The following WHRN variants were observed in gnomAD, a reference collection of about 807,000 sequenced individuals.
The protein encoded by WHRN is whirlin.
Under a neutral mutation model 68.3 loss-of-function variants are expected in WHRN, and 41 were observed. The ratio of observed to expected loss-of-function variants is 0.60; its 90% CI spans 0.47 to 0.78. The LOEUF is 0.78. WHRN is among the 30% of genes least tolerant of loss of function. The pLI, the probability that WHRN is intolerant of heterozygous loss-of-function variation, is 0.00. For missense variants in WHRN, 1,243 were observed against 1,244.7 expected (o/e 1.00, Z 0.02); for synonymous variants, 560 against 561.3 (o/e 1.00, Z 0.03).
chr9:114,489,206 G>C (rs1011528623), intron 1 of WHRN, among the ~76,000 whole-genome samples: 2 of 152,166 alleles, frequency 1.3e-5, no homozygotes, highest in African/African-American at 4.8e-5. Flanking sequence ...GTTGTGGCTT[G>C]ATCAGAGATG....
chr9:114,439,166 G>A (rs1050359571), intron 3 of WHRN, among the ~76,000 whole-genome samples: 1 of 152,106 alleles, frequency 6.6e-6, no homozygotes, highest in Non-Finnish European at 1.5e-5. Flanking sequence ...AGGGACATGG[G>A]GAGTCGTACT....
intron 1 of WHRN, among the ~76,000 whole-genome samples, chr9:114,484,571 G>T (rs779217245): frequency 6.6e-6 from 1 of 152,206 alleles, no homozygotes; most frequent in African/African-American, 2.4e-5. Flanking sequence ...ACCGCATGCA[G>T]GGATGGTCAT....
chr9:114,425,489 G>GTTTTTTTTTTTTTTTTTT (rs1281307334), intron 4 of WHRN: 2 of 287,476 alleles, frequency 7.0e-6, no homozygotes, highest in Admixed American at 5.1e-5. Context: ...CAGAAATCCA[G>GTTTTTTTTTTTTTTTTTT]TTTTTTTTTT....
chr9:114,455,130 C>A (rs928047877), intron 3 of WHRN, among the ~76,000 whole-genome samples: 5 of 151,884 alleles, frequency 3.3e-5, no homozygotes, highest in Non-Finnish European at 7.4e-5. Context: ...ATCTATGTGA[C>A]CTTGGGTTAG....
In WHRN at chr9:114,478,605, T is replaced by C; in HGVS notation, c.785A>G (p.Glu262Gly). 1 of 1,614,052 alleles carries C rather than the reference T, an allele frequency of 6.2e-7. No homozygotes were observed. Among genetic ancestry groups the C allele is most frequent in the Non-Finnish European group, 8.5e-7 (1 of 1,179,968 alleles). Residue 262 changes from glutamate (E) to glycine (G), a missense_variant, in exon 2 of 12, where the codon GAG becomes GGG. Glu to Gly is a moderately conservative substitution (Grantham distance 98, BLOSUM62 -2). Transcript: ENST00000362057. Reference sequence around the variant, plus strand: ...GTGCAGGGTGCTCCTCCGGTCACCCTCCTGCTGCCTCAGGGCACCACCGTG... The same window carrying C: ...GTGCAGGGTGCTCCTCCGGTCACCCCCCTGCTGCCTCAGGGCACCACCGTG... ...QPHGGALRQQ[E>G]GDRRSTLHLL...
At chr9:114,453,604 C>G (rs760105487) in intron 3 of WHRN, among the ~76,000 whole-genome samples, 3 of 152,020 alleles carry the variant, frequency 2.0e-5, no homozygotes, top group Non-Finnish European at 2.9e-5. Flanking sequence ...AATAAGGGCA[C>G]CTTACAAGCA....
chr9:114,448,947 A>C (rs2132680186), intron 3 of WHRN, among the ~76,000 whole-genome samples: 1 of 152,320 alleles, frequency 6.6e-6, no homozygotes, highest in African/African-American at 2.4e-5. Flanking sequence ...ATGCGGCCAC[A>C]AGAACCACAT....
intron 3 of WHRN, among the ~76,000 whole-genome samples, chr9:114,455,125 T>C (rs2132767656): frequency 1.3e-5 from 2 of 152,262 alleles, no homozygotes; most frequent in Non-Finnish European, 2.9e-5. Context: ...ACAAAATCTA[T>C]GTGACCTTGG....
intron 3 of WHRN, among the ~76,000 whole-genome samples, chr9:114,453,273 C>G (rs1839495888): frequency 6.6e-6 from 1 of 152,040 alleles, no homozygotes; most frequent in South Asian, 2.1e-4. Flanking sequence ...TTTAAACAAC[C>G]AGCTCTCACA....
intron 3 of WHRN, among the ~76,000 whole-genome samples, chr9:114,456,179 A>C (rs73553475): frequency 6.6e-6 from 1 of 151,936 alleles, no homozygotes; most frequent in African/African-American, 2.4e-5. Flanking sequence ...AAGATCCAGG[A>C]AACTTTTGTG....
intron 2 of WHRN, chr9:114,478,312 T>A (rs1589228527): frequency 5.7e-6 from 4 of 706,454 alleles, no homozygotes; most frequent in African/African-American, 1.8e-5. Context: ...AGCCAATCAA[T>A]AAATAAATCA....
intron 2 of WHRN, among the ~76,000 whole-genome samples, chr9:114,476,599 C>T (rs1159013301): frequency 6.6e-6 from 1 of 152,104 alleles, no homozygotes; most frequent in Non-Finnish European, 1.5e-5. Context: ...CTCACTGGTG[C>T]TCATTTTGGG....
At chr9:114,403,792 T>G in intron 10 of WHRN, 104 bp downstream of exon 10, 1 of 1,428,218 alleles carries the variant, frequency 7.0e-7, no homozygotes, top group Non-Finnish European at 9.8e-7. Flanking sequence ...ACTACCTCCC[T>G]TTGTGGTCAC....
Position 114,402,942 on chromosome 9 carries a change from G to T in WHRN, c.2542-6C>A. 2.5e-6 allele frequency: 4 copies of T among 1,607,782 alleles called. No homozygotes were observed. Among genetic ancestry groups the T allele is most frequent in the Non-Finnish European group, 3.4e-6 (4 of 1,177,400 alleles). ...TTGTGAGCTGAGCCGCCTCTCTGCA[G>T]GGAGGAGACACAGGGCATGGGGTGC... On this transcript the variant is annotated splice_polypyrimidine_tract_variant and splice_region_variant and intron_variant, in intron 11 of 11. Coordinates refer to ENST00000362057, the MANE Select transcript of WHRN (RefSeq NM_015404.4).
intron 7 of WHRN, among the ~76,000 whole-genome samples, chr9:114,422,554 C>A (rs1346314197): frequency 1.3e-5 from 2 of 152,172 alleles, no homozygotes; most frequent in Non-Finnish European, 2.9e-5. Flanking sequence ...CACGCTGGGG[C>A]CACGCATGGT....
chr9:114,448,470 C>T (rs528004537), intron 3 of WHRN, among the ~76,000 whole-genome samples: 1 of 152,254 alleles, frequency 6.6e-6, no homozygotes, highest in East Asian at 1.9e-4. Flanking sequence ...CCCTAGGACA[C>T]TCACATAGAA....
chr9:114,425,373 C>T (rs2132391437), intron 4 of WHRN: 3 of 584,614 alleles, frequency 5.1e-6, no homozygotes, highest in Non-Finnish European at 9.1e-6. Context: ...CCCTCAGGAG[C>T]TTAGGGGCCG....
chr9:114,412,579 C>T (rs565510252), intron 7 of WHRN, among the ~76,000 whole-genome samples: 4 of 152,354 alleles, frequency 2.6e-5, no homozygotes, highest in East Asian at 1.9e-4. Context: ...TCCATATCCC[C>T]GACAAAAACC....
Position 114,406,815 on chromosome 9 carries a change from G to C in WHRN, c.1776C>G (p.Asn592Lys). 6.2e-7 allele frequency: 1 copy of C among 1,611,050 alleles called. No homozygotes were observed. Among genetic ancestry groups the C allele is most frequent in the South Asian group, 1.1e-5 (1 of 90,676 alleles). Residue 592 changes from asparagine (N) to lysine (K), a missense_variant, in exon 9 of 12, where the codon AAC (asparagine) becomes AAG (lysine). Physicochemically the swap from Asn to Lys is moderately conservative, Grantham distance 94 (BLOSUM62 0). Coordinates refer to ENST00000362057, the MANE Select transcript of WHRN (RefSeq NM_015404.4). ...LPRPPPLAQG[N>K]DLPLGQPRKL... ...TCCTTGGCTGGCCTAGTGGGAGGTC[G>C]TTGCCTTGGGCCAGAGGTGGTGGGC...
Sources: gnomAD v4.1 joint callset for allele counts (sites outside exome capture counted in the v4.1 genomes callset) on GRCh38, gnomAD v4.1.1 for gene constraint, MANE v1.5 for transcripts, NCBI Gene and HGNC (gene_info 2026-07-23, HGNC 2026-07-21) for gene names.